The following THOC7 variants were observed in gnomAD, a reference collection of about 807,000 sequenced individuals.
THOC7 encodes the protein THO complex subunit 7, also known as NIF3L1-binding protein 1.
Under a neutral mutation model 33.1 loss-of-function variants are expected in THOC7, and 22 were observed. The ratio of observed to expected loss-of-function variants is 0.66; its 90% CI spans 0.47 to 0.95. The LOEUF (loss-of-function observed/expected upper bound fraction) is 0.95, where lower values mean the gene tolerates loss of function less well. THOC7 is among the 40% of genes least tolerant of loss of function. The pLI, the probability that THOC7 is intolerant of heterozygous loss-of-function variation, is 0.00. For synonymous variants in THOC7, 77 were observed against 76.8 expected (o/e 1.00, Z -0.01); for missense variants, 184 against 245.3 (o/e 0.75, Z 1.67).
intron 1 of THOC7, among the ~76,000 whole-genome samples, chr3:63,847,001 A>G (rs1025886327): frequency 7.9e-5 from 12 of 152,284 alleles, no homozygotes; most frequent in African/African-American, 2.9e-4. Flanking sequence ...AGCAATCCCT[A>G]AAACAGCAGT....
intron 7 of THOC7, 125 bp from the exon 8 acceptor site, chr3:63,834,324 G>T (rs929471004): frequency 3.5e-6 from 3 of 848,626 alleles, no homozygotes; most frequent in African/African-American, 3.5e-5. Context: ...GCTACTAGTT[G>T]AATCAAACTT....
At chr3:63,855,596 G>A (rs538316951) in intron 1 of THOC7, among the ~76,000 whole-genome samples, 3 of 152,206 alleles carry the variant, frequency 2.0e-5, no homozygotes, top group South Asian at 2.1e-4. Flanking sequence ...CCAGACTAAC[G>A]TTTTCAAAAT....
chr3:63,839,566 G>T, intron 2 of THOC7, 90 bp downstream of exon 2: 2 of 1,064,176 alleles, frequency 1.9e-6, no homozygotes, highest in Non-Finnish European at 2.9e-6. Context: ...TTTAAGGTGA[G>T]TGAAAATTTG....
At chr3:63,842,268 G>A (rs1261369269) in intron 1 of THOC7, among the ~76,000 whole-genome samples, 2 of 152,138 alleles carry the variant, frequency 1.3e-5, no homozygotes, top group African/African-American at 4.8e-5. Flanking sequence ...TGAGATACTA[G>A]CTCACCCCAC....
chr3:63,863,823 C>A, upstream of THOC7: 2 of 1,221,272 alleles, frequency 1.6e-6, no homozygotes, highest in East Asian at 3.3e-5. Flanking sequence ...GCGGCGGCGG[C>A]GCAAGCTGAG....
intron 1 of THOC7, among the ~76,000 whole-genome samples, chr3:63,844,238 A>G (rs1701837608): frequency 6.6e-6 from 1 of 152,194 alleles, no homozygotes. Flanking sequence ...TAGTCAAAAG[A>G]TACATACTTA....
chr3:63,850,867 G>A (rs375688019), intron 1 of THOC7, among the ~76,000 whole-genome samples: 2 of 152,210 alleles, frequency 1.3e-5, no homozygotes, highest in African/African-American at 2.4e-5. Flanking sequence ...GATTACAGGC[G>A]TGAGCCACTG....
chr3:63,857,948 A>G (rs1290428405), intron 1 of THOC7, among the ~76,000 whole-genome samples: 1 of 152,208 alleles, frequency 6.6e-6, no homozygotes, highest in African/African-American at 2.4e-5. Context: ...GTTGAACTGC[A>G]GCAGTTATCC....
Position 63,838,029 on chromosome 3 carries a change from G to C in THOC7, c.299C>G (p.Ala100Gly). ...CSIAGAHEKI[A>G]ECKKQILQAK... ...TTGAAGAATTTGCTTTTTGCACTCA[G>C]CAATTTTTTCATGTGCTCCAGCTAT... The change falls in exon 4 of 8, where the codon GCT (alanine) becomes GGT (glycine). Residue 100 changes from alanine (A) to glycine (G), a missense_variant. By Grantham distance (60) the Ala-to-Gly change is moderately conservative (BLOSUM62 0). Transcript: ENST00000295899. 1 of 1,608,802 alleles carries C rather than the reference G, an allele frequency of 6.2e-7. No homozygotes were observed. The highest frequency in any genetic ancestry group is 1.3e-5 in the African/African-American group (1 of 74,664).
chr3:63,853,106 T>G (rs1702047600), intron 1 of THOC7, among the ~76,000 whole-genome samples: 1 of 145,064 alleles, frequency 6.9e-6, no homozygotes, highest in African/African-American at 2.6e-5. Flanking sequence ...AGCCTAGATC[T>G]CGCCACTGCA....
intron 1 of THOC7, among the ~76,000 whole-genome samples, chr3:63,850,813 C>T (rs942541296): frequency 1.3e-5 from 2 of 151,918 alleles, no homozygotes; most frequent in African/African-American, 2.4e-5. Flanking sequence ...CTCAAAAACT[C>T]GTGACCTCAG....
At chr3:63,848,584 T>C (rs79680294) in intron 1 of THOC7, 3,589 of 152,330 alleles carry the variant, frequency 0.024, 79 homozygotes, top group African/African-American at 0.059. Flanking sequence ...CAGGACCTCC[T>C]GATGCTGTGG....
chr3:63,849,433 G>A (rs1701977561), intron 1 of THOC7, among the ~76,000 whole-genome samples: 2 of 152,112 alleles, frequency 1.3e-5, no homozygotes, highest in Non-Finnish European at 2.9e-5. Flanking sequence ...GCTTTATAGT[G>A]AATGAGTAAA....
chr3:63,836,316 C>A lies in THOC7; in HGVS notation c.395G>T (p.Arg132Met). The A allele has an allele frequency of 6.2e-7, 1 of 1,612,642 alleles. No individual in the cohort carries two copies. Among genetic ancestry groups the A allele is most frequent in the Non-Finnish European group, 8.5e-7 (1 of 1,179,112 alleles). The change falls in exon 5 of 8, where the codon AGG (arginine) becomes ATG (methionine). Residue 132 changes from arginine (R) to methionine (M), a missense_variant. Arg to Met is a moderately conservative substitution (Grantham distance 91). Around this residue, in one of 3 missense-constraint regions of THOC7, gnomAD observed 157 missense variants for 201.3 expected, o/e 0.78. Coordinates refer to ENST00000295899, the MANE Select transcript of THOC7 (RefSeq NM_025075.4). ...LAKVIQHHPD[R>M]HETLKELEAL... Reference sequence around the variant, plus strand: ...CTACACTTACTTTAATGTCTCATGCCTGTCTGGATGGTGCTGAATCACTTT... The same window carrying A: ...CTACACTTACTTTAATGTCTCATGCATGTCTGGATGGTGCTGAATCACTTT...
chr3:63,839,586 C>T, intron 2 of THOC7, 70 bp downstream of exon 2: 3 of 1,296,352 alleles, frequency 2.3e-6, no homozygotes, highest in African/African-American at 1.5e-5. Flanking sequence ...GATCTACTCA[C>T]AGGACCTTAA....
rs1701885382 is a variant in THOC7, at chr3:63,845,974, A to C, written c.20-6201T>G. The C allele has an allele frequency of 1.8e-5, 3 of 171,058 alleles. No homozygotes were observed. In the South Asian group the frequency reaches 3.3e-4, roughly 19 times the overall value. The allele number at this position is 171,058 out of a possible 1,614,324, so 10.6% of individuals were successfully genotyped here. A position where few individuals can be genotyped will look rare whatever the true frequency, so the allele number is the denominator to read the frequency against. ...TGCACTCGAACCCCGAGCCTCCCAA[A>C]TTATGCAGAGAGAACAAAATTCTTA... On this transcript the variant is annotated intron_variant, in intron 1 of 7. Transcript: ENST00000295899.
In THOC7 at chr3:63,851,718, C is replaced by T. The variant is rs191666954; in HGVS notation, c.20-11945G>A. ...TGTCCCCAACTTACAAGAAGAGTAG[C>T]TTTGAAATGACTAATATGCTGTCTG... On this transcript the variant is annotated intron_variant, in intron 1 of 7. Coordinates refer to ENST00000295899, the MANE Select transcript of THOC7 (RefSeq NM_025075.4). Among the ~76,000 whole-genome samples, 378 of 152,262 alleles carry T rather than the reference C, an allele frequency of 2.5e-3. 2 individuals are homozygous for T. Among genetic ancestry groups the T allele is most frequent in the African/African-American group, 8.8e-3 (367 of 41,542 alleles).
intron 1 of THOC7, among the ~76,000 whole-genome samples, chr3:63,848,789 TG>T (rs895228499): frequency 3.3e-5 from 5 of 152,242 alleles, no homozygotes; most frequent in East Asian, 3.9e-4. Context: ...GAAACATTGC[TG>T]TTTTTTTTAA....
At chr3:63,851,271 T>C (rs1019791359) in intron 1 of THOC7, among the ~76,000 whole-genome samples, 2 of 152,198 alleles carry the variant, frequency 1.3e-5, no homozygotes, top group African/African-American at 4.8e-5. Context: ...CAATAAGCTA[T>C]AAACACATGC....
Sources: gnomAD v4.1 joint callset for allele counts (sites outside exome capture counted in the v4.1 genomes callset) on GRCh38, gnomAD v4.1.1 for gene constraint, gnomAD v4.1.1 regional missense constraint, MANE v1.5 for transcripts, NCBI Gene and HGNC (gene_info 2026-07-23, HGNC 2026-07-21) for gene names.